The following CSMD3 variants were observed in gnomAD, a reference collection of about 807,000 sequenced individuals.
The protein encoded by CSMD3 is CUB and Sushi multiple domains 3.
In CSMD3, 177 loss-of-function variants were observed where a neutral mutation model predicts 435.2. That is an observed-to-expected ratio of 0.41 (90% CI 0.36 to 0.46). The LOEUF (loss-of-function observed/expected upper bound fraction) is 0.46, where lower values mean the gene tolerates loss of function less well. Ranked by LOEUF, CSMD3 falls within the 20% of genes least tolerant of loss-of-function variation. The probability of loss-of-function intolerance (pLI) is 0.34; values close to 1 mark genes in which losing one functional copy is unlikely to be tolerated. For missense variants in CSMD3, 4,265 were observed against 4,504.6 expected (o/e 0.95, Z 1.52); for synonymous variants, 1,656 against 1,520.5 (o/e 1.09, Z -2.07).
At chr8:113,417,097 A>G (rs889264838) in intron 1 of CSMD3, among the ~76,000 whole-genome samples, 1 of 152,088 alleles carries the variant, frequency 6.6e-6, no homozygotes, top group African/African-American at 2.4e-5. Flanking sequence ...GAAACTTTAG[A>G]CAGATATCAA....
chr8:113,177,969 ACACTCTTC>A (rs1414651656), intron 3 of CSMD3, among the ~76,000 whole-genome samples: 1 of 151,966 alleles, frequency 6.6e-6, no homozygotes, highest in Non-Finnish European at 1.5e-5. Context: ...GAGTTCAGTG[ACACTCTTC>A]TCTATTAGTT....
intron 2 of CSMD3, among the ~76,000 whole-genome samples, chr8:113,296,424 C>T (rs2093722333): frequency 6.6e-6 from 1 of 151,878 alleles, no homozygotes; most frequent in Non-Finnish European, 1.5e-5. Flanking sequence ...GAAGCTAACA[C>T]ACCAGGAGAG....
intron 6 of CSMD3, among the ~76,000 whole-genome samples, chr8:112,997,856 A>T (rs956140887): frequency 2.4e-5 from 2 of 83,674 alleles, no homozygotes; most frequent in African/African-American, 1.3e-4. Flanking sequence ...GTACATGTAT[A>T]TGTGTGTATA....
At chr8:112,828,205 T>C (rs886426992) in intron 12 of CSMD3, among the ~76,000 whole-genome samples, 1 of 152,220 alleles carries the variant, frequency 6.6e-6, no homozygotes, top group Non-Finnish European at 1.5e-5. Context: ...CAGGCTCAAA[T>C]TGTTGCTCAG....
chr8:113,195,791 T>TTA (rs749886578), intron 3 of CSMD3, among the ~76,000 whole-genome samples: 31,383 of 125,676 alleles, frequency 0.25, 4,293 homozygotes, highest in East Asian at 0.45. Context: ...ATCCTATATT[T>TTA]TATATATATA....
intron 2 of CSMD3, among the ~76,000 whole-genome samples, chr8:113,298,604 A>T (rs2093739851): frequency 6.6e-6 from 1 of 152,172 alleles, no homozygotes; most frequent in African/African-American, 2.4e-5. Flanking sequence ...ATATTCTCTT[A>T]TCATCCAAAG....
intron 22 of CSMD3, among the ~76,000 whole-genome samples, chr8:112,631,115 AG>A (rs2074503399): frequency 1.3e-5 from 2 of 152,112 alleles, no homozygotes; most frequent in Non-Finnish European, 2.9e-5. Flanking sequence ...CTTTCCCTAA[AG>A]GATCAATGAC....
chr8:112,332,559 C>T (rs1213587658), intron 45 of CSMD3, among the ~76,000 whole-genome samples: 1 of 152,086 alleles, frequency 6.6e-6, no homozygotes, highest in Non-Finnish European at 1.5e-5. Context: ...GAAAGCAGTG[C>T]TTTAGAAAAA....
intron 5 of CSMD3, among the ~76,000 whole-genome samples, chr8:113,077,930 G>A (rs2131437809): frequency 1.3e-5 from 2 of 152,126 alleles, no homozygotes; most frequent in South Asian, 4.1e-4. Context: ...TTATAGTATA[G>A]GAAAATTAAA....
At chr8:112,406,235 T>C (rs1586218069) in intron 35 of CSMD3, among the ~76,000 whole-genome samples, 2 of 152,154 alleles carry the variant, frequency 1.3e-5, no homozygotes, top group South Asian at 4.1e-4. Context: ...AGCAGCAGAT[T>C]CTATGTTCCT....
intron 1 of CSMD3, among the ~76,000 whole-genome samples, chr8:113,388,451 C>T (rs2094448377): frequency 6.6e-6 from 1 of 151,532 alleles, no homozygotes; most frequent in African/African-American, 2.4e-5. Flanking sequence ...CTTTGACCAT[C>T]TGATTTGTCA....
intron 10 of CSMD3, among the ~76,000 whole-genome samples, chr8:112,882,808 A>C (rs1333813350): frequency 6.6e-6 from 1 of 152,028 alleles, no homozygotes; most frequent in African/African-American, 2.4e-5. Flanking sequence ...AATGACACTT[A>C]AGAAACTTTT....
intron 7 of CSMD3, among the ~76,000 whole-genome samples, chr8:112,970,340 G>A (rs1201180171): frequency 6.9e-6 from 1 of 144,788 alleles, no homozygotes; most frequent in Non-Finnish European, 1.5e-5. Flanking sequence ...AGCTTGCAGT[G>A]AGCCGAGATC....
intron 1 of CSMD3, among the ~76,000 whole-genome samples, chr8:113,413,558 C>A (rs1328288826): frequency 1.3e-5 from 2 of 152,042 alleles, no homozygotes; most frequent in African/African-American, 4.8e-5. Context: ...AACACAGTCC[C>A]CACCCTCACA....
At chr8:112,537,979 A>C (rs1242706279) in intron 27 of CSMD3, among the ~76,000 whole-genome samples, 1 of 152,116 alleles carries the variant, frequency 6.6e-6, no homozygotes, top group East Asian at 1.9e-4. Flanking sequence ...AACACATTAA[A>C]AAGATCATTT....
At chr8:112,392,848 A>G (rs1016256673) in intron 35 of CSMD3, among the ~76,000 whole-genome samples, 1 of 148,082 alleles carries the variant, frequency 6.8e-6, no homozygotes, top group Non-Finnish European at 1.5e-5. Context: ...CAGCTCACAG[A>G]TAGTTTCTTT....
intron 3 of CSMD3, among the ~76,000 whole-genome samples, chr8:113,193,903 T>G (rs1223640755): frequency 6.6e-6 from 1 of 151,592 alleles, no homozygotes; most frequent in South Asian, 2.1e-4. Context: ...GGAGTTATTA[T>G]TTAGCAAATG....
At chr8:112,314,721 G>A (rs1357191821) in intron 47 of CSMD3, 104 bp from the exon 48 acceptor site, 2 of 783,608 alleles carry the variant, frequency 2.6e-6, no homozygotes, top group African/African-American at 3.4e-5. Flanking sequence ...ATAGCTATAA[G>A]GATGATACGT....
chr8:112,882,477 G>C (rs746095256), intron 10 of CSMD3, among the ~76,000 whole-genome samples: 3 of 151,898 alleles, frequency 2.0e-5, no homozygotes, highest in Non-Finnish European at 4.4e-5. Context: ...AGCCTCATAG[G>C]AATGTGTCCC....
Sources: gnomAD v4.1 joint callset for allele counts (sites outside exome capture counted in the v4.1 genomes callset) on GRCh38, gnomAD v4.1.1 for gene constraint, MANE v1.5 for transcripts, NCBI Gene and HGNC (gene_info 2026-07-23, HGNC 2026-07-21) for gene names.